DCP1B: variants seen among roughly 807,000 people sequenced by gnomAD.
DCP1B encodes mRNA-decapping enzyme 1B.
In DCP1B, 47 loss-of-function variants were observed where a neutral mutation model predicts 60.5. That is an observed-to-expected ratio of 0.78 (90% CI 0.61 to 0.99). The LOEUF (loss-of-function observed/expected upper bound fraction) is 0.99. DCP1B is among the 50% of genes least tolerant of loss of function. The pLI is 0.00. For synonymous variants in DCP1B, 267 were observed against 280.3 expected (o/e 0.95, Z 0.47); for missense variants, 725 against 756.8 (o/e 0.96, Z 0.49).
intron 2 of DCP1B, among the ~76,000 whole-genome samples, chr12:1,996,632 AAAAAAAAAAAAAAAAAAAAAAAAC>A (rs1331255574): frequency 3.7e-5 from 4 of 108,896 alleles, no homozygotes; most frequent in Non-Finnish European, 7.5e-5. Flanking sequence ...AAAAAAAAAA[AAAAAAAAAAAAAAAAAAAAAAAAC>A]AACAAACTCT....
chr12:1,954,303 C>T (rs1293937133), intron 6 of DCP1B, among the ~76,000 whole-genome samples: 2 of 151,872 alleles, frequency 1.3e-5, no homozygotes, highest in African/African-American at 4.8e-5. Context: ...AAAAAGAAAG[C>T]TAAAAAATTA....
At chr12:1,960,637 G>A (rs1592787336) in intron 5 of DCP1B, among the ~76,000 whole-genome samples, 1 of 152,042 alleles carries the variant, frequency 6.6e-6, no homozygotes, top group African/African-American at 2.4e-5. Context: ...ATATCATGTT[G>A]TATACCATAC....
chr12:1,982,957 T>C (rs192154613), intron 3 of DCP1B, among the ~76,000 whole-genome samples: 5 of 152,236 alleles, frequency 3.3e-5, no homozygotes, highest in Admixed American at 2.6e-4. Context: ...TTCCTTATTA[T>C]GGGACTATTC....
Position 1,965,713 on chromosome 12 carries a change from A to T in DCP1B, c.387-20T>A. On this transcript the variant is annotated intron_variant, in intron 4 of 8. Coordinates refer to ENST00000280665, the MANE Select transcript of DCP1B (RefSeq NM_152640.5). ...GTTAGGCTAGAAAAACAGAGGGGAA[A>T]ATCCACACAAGAAAAGCCAATTCAA... The T allele has an allele frequency of 6.3e-7, 1 of 1,593,518 alleles. No homozygotes were observed. The highest frequency in any genetic ancestry group is 8.5e-7 in the Non-Finnish European group (1 of 1,172,612).
intron 7 of DCP1B, 75 bp downstream of exon 7, chr12:1,952,340 CT>C (rs35978908): frequency 0.084 from 106,583 of 1,271,948 alleles, 22 homozygotes; most frequent in South Asian, 0.14. Context: ...AGCCTGGCTA[CT>C]TTTTTTTTTT....
intron 2 of DCP1B, among the ~76,000 whole-genome samples, chr12:1,996,236 T>C (rs938606665): frequency 4.6e-5 from 7 of 152,168 alleles, no homozygotes; most frequent in Admixed American, 1.3e-4. Flanking sequence ...TTTTCTCTAT[T>C]ACTCTCCTGT....
intron 6 of DCP1B, among the ~76,000 whole-genome samples, chr12:1,954,766 T>C (rs2030817942): frequency 6.6e-6 from 1 of 152,178 alleles, no homozygotes; most frequent in Non-Finnish European, 1.5e-5. Flanking sequence ...TTCTCCCAGG[T>C]GGCCTTGGGA....
At chr12:1,976,636 A>G (rs1213488763) in intron 3 of DCP1B, among the ~76,000 whole-genome samples, 7 of 151,768 alleles carry the variant, frequency 4.6e-5, no homozygotes, top group Non-Finnish European at 1.5e-5. Flanking sequence ...TTTGCCTAGT[A>G]AGAATGTCAA....
At chr12:2,002,551 G>A (rs1434945529) in intron 1 of DCP1B, among the ~76,000 whole-genome samples, 3 of 152,192 alleles carry the variant, frequency 2.0e-5, no homozygotes, top group Non-Finnish European at 4.4e-5. Context: ...ATAAACATCT[G>A]TAACTATCTT....
chr12:1,949,215 C>T lies in DCP1B; in HGVS notation c.1644G>A (p.Val548=). Reference sequence around the variant, plus strand: ...CAGCAGCAGGTGGCTCCTGGCCTCCCACAGGCAAGAGGCCGCTCTCCCTTT... The same window carrying T: ...CAGCAGCAGGTGGCTCCTGGCCTCCTACAGGCAAGAGGCCGCTCTCCCTTT... ...PKERESGLLP[V]GGQEPPAAAT... Residue 548 remains valine, a synonymous_variant, in exon 8 of 9, where the codon GTG becomes GTA. Transcript: ENST00000280665. 6.2e-7 allele frequency: 1 copy of T among 1,614,160 alleles called. No homozygotes were observed. The highest frequency in any genetic ancestry group is 1.3e-5 in the African/African-American group (1 of 75,038).
At chr12:1,979,032 C>T (rs1412932905) in intron 3 of DCP1B, among the ~76,000 whole-genome samples, 7 of 152,284 alleles carry the variant, frequency 4.6e-5, no homozygotes, top group African/African-American at 1.7e-4. Flanking sequence ...CATGTGCTTT[C>T]GGAGTCTCAC....
intron 3 of DCP1B, among the ~76,000 whole-genome samples, chr12:1,990,917 G>C (rs1402043492): frequency 6.6e-6 from 1 of 151,180 alleles, no homozygotes; most frequent in Non-Finnish European, 1.5e-5. Context: ...GATTGAAAAG[G>C]CTTTTGCAAA....
Position 1,965,996 on chromosome 12 carries a change from G to A in DCP1B, c.387-303C>T, listed in dbSNP as rs113069378. The A allele has an allele frequency of 3.7e-3, 946 of 259,142 alleles. 5 individuals carry two copies. The highest frequency in any genetic ancestry group is 0.019 in the African/African-American group (835 of 44,258). 16.1% of individuals were successfully genotyped at this position (259,142 alleles called of 1,614,324 possible). ...AGCCATGCTCCTTTGTTTACATGTT[G>A]TTTATGGCTGCTTTCACATTACAAG... On this transcript the variant is annotated intron_variant, in intron 4 of 8. Coordinates refer to ENST00000280665, the MANE Select transcript of DCP1B (RefSeq NM_152640.5).
chr12:1,990,799 A>T (rs192639137), intron 3 of DCP1B, among the ~76,000 whole-genome samples: 1 of 152,324 alleles, frequency 6.6e-6, no homozygotes, highest in Non-Finnish European at 1.5e-5. Context: ...CATGTAAACC[A>T]TACATAATTA....
intron 3 of DCP1B, among the ~76,000 whole-genome samples, chr12:1,974,572 G>A (rs1163708231): frequency 6.6e-6 from 1 of 152,142 alleles, no homozygotes; most frequent in Non-Finnish European, 1.5e-5. Context: ...CTCAAAGGAT[G>A]CAACAATTCT....
chr12:1,986,088 C>T (rs1430309439), intron 3 of DCP1B, among the ~76,000 whole-genome samples: 13 of 152,226 alleles, frequency 8.5e-5, no homozygotes. Context: ...GCTGGGATTA[C>T]AGGCGTGAGC....
chr12:1,983,233 G>GT (rs1367332263), intron 3 of DCP1B, among the ~76,000 whole-genome samples: 1 of 138,776 alleles, frequency 7.2e-6, no homozygotes, highest in African/African-American at 2.8e-5. Context: ...CAGTTTTTTT[G>GT]TTTTTTATCT....
At chr12:1,996,641 AAAAAAAAAAAAAAAC>A (rs1396934482) in intron 2 of DCP1B, among the ~76,000 whole-genome samples, 31 of 98,548 alleles carry the variant, frequency 3.1e-4, no homozygotes, top group African/African-American at 8.5e-4. Flanking sequence ...AAAAAAAAAA[AAAAAAAAAAAAAAAC>A]AACAAACTCT....
In DCP1B at chr12:1,996,616, TAAAAAAAAAAAAAAAAAA is replaced by T. The variant is rs78563698; in HGVS notation, c.191+1301_191+1318del. On this transcript the variant is annotated intron_variant, in intron 2 of 8. Transcript: ENST00000280665. Reference sequence around the variant, plus strand: ...AATACACTAATAATAGCTGATGAGCTAAAAAAAAAAAAAAAAAAAAAAAAAAAAAAAAAAAAAAACAAC... The same window carrying T: ...AATACACTAATAATAGCTGATGAGCTAAAAAAAAAAAAAAAAAAAAACAAC... Among the ~76,000 whole-genome samples, 13 of 18,842 alleles carry T rather than the reference TAAAAAAAAAAAAAAAAAA, an allele frequency of 6.9e-4. No homozygotes were observed. In the South Asian group the frequency reaches 0.017, roughly 25 times the overall value. 12.4% of individuals were successfully genotyped at this position (18,842 alleles called of 152,430 possible). A position where few individuals can be genotyped will look rare whatever the true frequency, so the allele number is the denominator to read the frequency against.
Sources: allele counts gnomAD v4.1 joint callset (sites outside exome capture counted in the v4.1 genomes callset), GRCh38; gene constraint gnomAD v4.1.1; transcripts MANE v1.5; gene names NCBI Gene and HGNC (gene_info 2026-07-23, HGNC 2026-07-21).